Variants in NTRK3 observed in about 807,000 individuals in gnomAD.
NTRK3 encodes the protein NT-3 growth factor receptor.
In NTRK3, 24 loss-of-function variants were observed where a neutral mutation model predicts 91.7. The ratio of observed to expected loss-of-function variants is 0.26; its 90% CI spans 0.19 to 0.37. NTRK3 has a LOEUF of 0.37. Among genes scored for constraint, NTRK3 ranks in the 10% least tolerant of loss-of-function variants. The probability of loss-of-function intolerance (pLI) is 1.00; values close to 1 mark genes in which losing one functional copy is unlikely to be tolerated. For missense variants in NTRK3, 880 were observed against 1,068.9 expected, an observed-to-expected ratio of 0.82 and a Z score of 2.46; for synonymous variants, 483 against 404.0, an observed-to-expected ratio of 1.20 and a Z score of -2.34.
At chr15:88,246,957 C>G (rs1477148732) in intron 3 of NTRK3, among the ~76,000 whole-genome samples, 2 of 152,204 alleles carry the variant, frequency 1.3e-5, no homozygotes, top group East Asian at 1.9e-4. Context: ...CCCTGGGAAG[C>G]CATCAGCCCA....
chr15:87,959,474 T>G (rs1217616909), intron 14 of NTRK3, among the ~76,000 whole-genome samples: 1 of 152,194 alleles, frequency 6.6e-6, no homozygotes, highest in Non-Finnish European at 1.5e-5. Flanking sequence ...ATCCGAATTC[T>G]GAAACCAAGG....
chr15:88,038,594 C>T (rs941283941), intron 13 of NTRK3, among the ~76,000 whole-genome samples: 11 of 152,126 alleles, frequency 7.2e-5, no homozygotes, highest in Admixed American at 5.2e-4. Context: ...CACCACTCTG[C>T]GGAGGATGCT....
intron 13 of NTRK3, among the ~76,000 whole-genome samples, chr15:88,040,652 C>T (rs896306866): frequency 6.6e-6 from 1 of 152,192 alleles, no homozygotes; most frequent in Admixed American, 6.5e-5. Context: ...AAATGTGGCA[C>T]CAAGAAAATC....
At chr15:87,912,806 G>A (rs948075157) in intron 17 of NTRK3, among the ~76,000 whole-genome samples, 4 of 151,544 alleles carry the variant, frequency 2.6e-5, no homozygotes, top group Admixed American at 1.3e-4. Context: ...CAGTTGGGTG[G>A]AGTAATAAAA....
intron 14 of NTRK3, among the ~76,000 whole-genome samples, chr15:88,030,828 T>C (rs764706879): frequency 6.6e-6 from 1 of 152,222 alleles, no homozygotes; most frequent in Non-Finnish European, 1.5e-5. Context: ...ATATTTATCA[T>C]GTACATTGTT....
At chr15:88,041,745 C>T (rs953612899) in intron 13 of NTRK3, among the ~76,000 whole-genome samples, 3 of 146,138 alleles carry the variant, frequency 2.1e-5, no homozygotes, top group African/African-American at 5.0e-5. Flanking sequence ...CCACATTTAC[C>T]AATGGTACTT....
intron 14 of NTRK3, among the ~76,000 whole-genome samples, chr15:88,004,513 T>C (rs1473554302): frequency 6.6e-6 from 1 of 152,164 alleles, no homozygotes; most frequent in Non-Finnish European, 1.5e-5. Context: ...TCTCAATATG[T>C]GCTACTCGGG....
At chr15:88,124,690 C>T (rs963300506) in intron 13 of NTRK3, among the ~76,000 whole-genome samples, 8 of 152,102 alleles carry the variant, frequency 5.3e-5, no homozygotes, top group South Asian at 2.1e-4. Flanking sequence ...ACTCAGTGGT[C>T]GTCTCATCTT....
intron 14 of NTRK3, among the ~76,000 whole-genome samples, chr15:87,966,943 G>A (rs978289862): frequency 3.3e-5 from 5 of 152,160 alleles, no homozygotes; most frequent in African/African-American, 1.2e-4. Context: ...GTGGGGAGCT[G>A]TCAGAAGCAC....
intron 14 of NTRK3, among the ~76,000 whole-genome samples, chr15:88,019,617 C>G (rs2077469007): frequency 6.6e-6 from 1 of 152,158 alleles, no homozygotes; most frequent in African/African-American, 2.4e-5. Flanking sequence ...CAGTTTCAAC[C>G]CACCCACAAG....
At chr15:87,927,753 C>T (rs2068445633) in intron 17 of NTRK3, 2 of 152,146 alleles carry the variant, frequency 1.3e-5, no homozygotes. Context: ...CAGACCTTTA[C>T]CAGACAATTA....
intron 16 of NTRK3, among the ~76,000 whole-genome samples, chr15:87,932,267 A>T (rs577897567): frequency 1.3e-5 from 2 of 152,330 alleles, no homozygotes; most frequent in East Asian, 3.9e-4. Flanking sequence ...TTTTTAGAAT[A>T]GTACTATCCA....
At chr15:88,140,621 T>C (rs2042297879) in intron 6 of NTRK3, among the ~76,000 whole-genome samples, 2 of 152,232 alleles carry the variant, frequency 1.3e-5, no homozygotes, top group African/African-American at 4.8e-5. Context: ...AACTCCAGAA[T>C]ACATTAGCAC....
chr15:87,889,081 A>T (rs981276581), intron 17 of NTRK3, among the ~76,000 whole-genome samples: 1 of 152,142 alleles, frequency 6.6e-6, no homozygotes, highest in Non-Finnish European at 1.5e-5. Flanking sequence ...TGAATGTGGC[A>T]GAGAGGGGAC....
chr15:88,135,687 C>T (rs143275601), intron 9 of NTRK3, among the ~76,000 whole-genome samples: 2 of 152,320 alleles, frequency 1.3e-5, no homozygotes, highest in East Asian at 3.9e-4. Context: ...TGACTTGGAG[C>T]CACACCATCT....
chr15:88,080,696 G>A (rs1439993972), intron 13 of NTRK3, among the ~76,000 whole-genome samples: 1 of 152,248 alleles, frequency 6.6e-6, no homozygotes, highest in East Asian at 1.9e-4. Context: ...CATGGCCAAA[G>A]AGCCCCAGAT....
intron 13 of NTRK3, among the ~76,000 whole-genome samples, chr15:88,086,733 A>G (rs1044332544): frequency 1.3e-5 from 2 of 152,190 alleles, no homozygotes; most frequent in Non-Finnish European, 2.9e-5. Context: ...TGGAGTACGC[A>G]GGTGGTTTCA....
At chr15:87,976,294 T>G (rs2073707209) in intron 14 of NTRK3, among the ~76,000 whole-genome samples, 1 of 152,084 alleles carries the variant, frequency 6.6e-6, no homozygotes, top group South Asian at 2.1e-4. Flanking sequence ...CCATTTGGCA[T>G]AAGGGGGTCT....
chr15:88,043,906 G>A (rs1465348047), intron 13 of NTRK3, among the ~76,000 whole-genome samples: 6 of 152,128 alleles, frequency 3.9e-5, no homozygotes, highest in Admixed American at 3.9e-4. Context: ...CTCATACACT[G>A]CAATAGGGTA....
Sources: gnomAD v4.1 joint callset for allele counts (sites outside exome capture counted in the v4.1 genomes callset) on GRCh38, gnomAD v4.1.1 for gene constraint, MANE v1.5 for transcripts, NCBI Gene and HGNC (gene_info 2026-07-23, HGNC 2026-07-21) for gene names.